The following STAT5B variants were observed in gnomAD, a reference collection of about 807,000 sequenced individuals.
STAT5B encodes transcription factor STAT5B.
Under a neutral mutation model 107.8 loss-of-function variants are expected in STAT5B, and 21 were observed. That is an observed-to-expected ratio of 0.19 (90% confidence interval 0.14 to 0.28). The LOEUF (loss-of-function observed/expected upper bound fraction) is 0.28, where lower values mean the gene tolerates loss of function less well. Ranked by LOEUF, STAT5B falls within the 10% of genes least tolerant of loss-of-function variation. The pLI is 1.00. For missense variants in STAT5B, 565 were observed against 1,008.2 expected (o/e 0.56, Z 5.95); for synonymous variants, 325 against 401.7 (o/e 0.81, Z 2.28).
intron 1 of STAT5B, among the ~76,000 whole-genome samples, chr17:42,238,611 G>A (rs8066625): frequency 0.11 from 16,570 of 151,262 alleles, 917 homozygotes; most frequent in Middle Eastern, 0.16. Flanking sequence ...CCGCCACCAC[G>A]CCTGGCTAAT....
intron 2 of STAT5B, among the ~76,000 whole-genome samples, chr17:42,228,790 C>T (rs952285358): frequency 3.3e-5 from 5 of 152,182 alleles, no homozygotes; most frequent in East Asian, 1.9e-4. Flanking sequence ...AGAAATTATC[C>T]GGGCGTGGCG....
intron 15 of STAT5B, 22 bp downstream of exon 15, chr17:42,210,149 A>G (rs757597711): frequency 1.9e-6 from 3 of 1,614,192 alleles, no homozygotes; most frequent in East Asian, 2.2e-5. Flanking sequence ...AACTTTGGAC[A>G]TAAGAAGGGA....
intron 13 of STAT5B, 110 bp from the exon 14 acceptor site, chr17:42,210,607 G>C (rs1409381417): frequency 2.0e-5 from 21 of 1,027,304 alleles, no homozygotes. Context: ...ACCCTTGTCA[G>C]AGGCATACAA....
At chr17:42,283,784 CA>C in the STAT5B span, among the ~76,000 whole-genome samples, 1 of 152,134 alleles carries the variant, frequency 6.6e-6, no homozygotes, top group Non-Finnish European at 1.5e-5. Flanking sequence ...TCTTCTTGGA[CA>C]AGAATGGGGG....
chr17:42,219,126 C>A (rs918480963), intron 7 of STAT5B, among the ~76,000 whole-genome samples, 186 bp downstream of exon 7: 6 of 152,202 alleles, frequency 3.9e-5, no homozygotes, highest in African/African-American at 9.6e-5. Flanking sequence ...AGGACAGCAG[C>A]CCCCTTCCTG....
At chr17:42,203,869 C>T (rs1001793116) in intron 16 of STAT5B, among the ~76,000 whole-genome samples, 1 of 152,088 alleles carries the variant, frequency 6.6e-6, no homozygotes, top group South Asian at 2.1e-4. Flanking sequence ...TCAAGTGATC[C>T]ACCCGCCTTG....
Position 42,223,381 on chromosome 17 carries a change from C to T in STAT5B, c.550+1G>A. On this transcript the variant is annotated splice_donor_variant, in intron 5 of 18. Transcript: ENST00000293328. LOFTEE classifies it high-confidence loss of function. Reference sequence around the variant, plus strand: ...CACAATGTGCCTCCACCGCGCCTCACCTTGGATCCTCAGGCTCTCCTGGTA... The same window carrying T: ...CACAATGTGCCTCCACCGCGCCTCATCTTGGATCCTCAGGCTCTCCTGGTA... The T allele has an allele frequency of 6.2e-7, 1 of 1,614,224 alleles. No individual in the cohort carries two copies. The highest frequency in any genetic ancestry group is 8.5e-7 in the Non-Finnish European group (1 of 1,180,044).
chr17:42,218,400 T>C, intron 8 of STAT5B, 70 bp from the exon 9 acceptor site: 1 of 1,558,070 alleles, frequency 6.4e-7, no homozygotes, highest in African/African-American at 1.4e-5. Flanking sequence ...AGTCCCTCTG[T>C]GGTGGGGGTG....
chr17:42,255,481 ACAAT>A (rs1290702163), intron 1 of STAT5B, among the ~76,000 whole-genome samples: 1 of 152,222 alleles, frequency 6.6e-6, no homozygotes, highest in Non-Finnish European at 1.5e-5. Flanking sequence ...CAAAAACTAA[ACAAT>A]CAAAGGAAAG....
chr17:42,229,254 A>T (rs1166268307), intron 2 of STAT5B, among the ~76,000 whole-genome samples: 1 of 151,870 alleles, frequency 6.6e-6, no homozygotes, highest in African/African-American at 2.4e-5. Context: ...GGTTCAAGTG[A>T]TTCTCCTGCC....
In STAT5B at chr17:42,201,524, GCACACACACACACA is replaced by G. The variant is rs57573850; in HGVS notation, c.*200_*213del. 1.1e-4 allele frequency: 67 copies of G among 617,316 alleles called. No homozygotes were observed. Among genetic ancestry groups the G allele is most frequent in the African/African-American group, 2.2e-4 (12 of 54,050 alleles). The allele number at this position is 617,316 out of a possible 1,614,324, so 38.2% of individuals were successfully genotyped here. A position where few individuals can be genotyped will look rare whatever the true frequency, so the allele number is the denominator to read the frequency against. The stretch of plus-strand genomic sequence containing the variant: ...GAGAAACACCATAACGTGCAAACAC[GCACACACACACACA>G]CACACACACACACACAAACACATAC... On this transcript the variant is annotated 3_prime_UTR_variant, in exon 19 of 19. Coordinates refer to ENST00000293328, the MANE Select transcript of STAT5B (RefSeq NM_012448.4).
chr17:42,208,235 C>G (rs1393334799), intron 15 of STAT5B, among the ~76,000 whole-genome samples: 3 of 151,954 alleles, frequency 2.0e-5, no homozygotes, highest in Admixed American at 2.0e-4. Flanking sequence ...GGCATGTTGG[C>G]TCATGCCTGT....
chr17:42,254,293 T>C (rs1055681316), intron 1 of STAT5B, among the ~76,000 whole-genome samples: 9 of 152,192 alleles, frequency 5.9e-5, no homozygotes, highest in African/African-American at 2.2e-4. Context: ...GGTGGGAGGA[T>C]GGCTTGAGCC....
Position 42,227,649 on chromosome 17 carries a change from A to G in STAT5B, c.165T>C (p.Ile55=). 1 of 1,614,036 alleles carries G rather than the reference A, an allele frequency of 6.2e-7. No individual in the cohort carries two copies. The part of the protein sequence containing the change: ...SVDLDNPQEN[I]KATQLLEGLV... ...GGCCCTCCAGGAGCTGGGTGGCCTT[A>G]ATGTTCTCCTGTGGATTATCAAGAT... The change falls in exon 3 of 19, where the codon ATT becomes ATC. Residue 55 remains isoleucine, a synonymous_variant. Coordinates refer to ENST00000293328, the MANE Select transcript of STAT5B (RefSeq NM_012448.4).
chr17:42,221,191 C>T (rs913289537), intron 5 of STAT5B, among the ~76,000 whole-genome samples: 11 of 152,136 alleles, frequency 7.2e-5, no homozygotes, highest in Admixed American at 2.6e-4. Context: ...CTGCAGGTAT[C>T]GAGCAGGAAG....
rs1239750377 is a variant in STAT5B, at chr17:42,199,510, G to A, written c.*2228C>T. 6.6e-6 allele frequency: 1 copy of A among 152,286 alleles called. No individual in the cohort carries two copies. Among genetic ancestry groups the A allele is most frequent in the Non-Finnish European group, 1.5e-5 (1 of 68,044 alleles). The allele number at this position is 152,286 out of a possible 1,614,324, so 9.4% of individuals were successfully genotyped here. A position where few individuals can be genotyped will look rare whatever the true frequency, so the allele number is the denominator to read the frequency against. Reference sequence around the variant, plus strand: ...GAGGACTTGTGTGTGTCTGGGAGTGGGTGAGAGGCTGATGGGGTCGAGACA... The same window carrying A: ...GAGGACTTGTGTGTGTCTGGGAGTGAGTGAGAGGCTGATGGGGTCGAGACA... On this transcript the variant is annotated 3_prime_UTR_variant, in exon 19 of 19. Transcript: ENST00000293328.
At chr17:42,244,103 T>C (rs2080430019) in intron 1 of STAT5B, among the ~76,000 whole-genome samples, 1 of 151,702 alleles carries the variant, frequency 6.6e-6, no homozygotes, top group African/African-American at 2.4e-5. Context: ...TTTTTTTTTT[T>C]TTGAGACAGG....
chr17:42,214,868 G>GC (rs575651031), intron 12 of STAT5B, among the ~76,000 whole-genome samples: 1,588 of 151,756 alleles, frequency 0.01, 23 homozygotes, highest in African/African-American at 0.035. Context: ...TCCCGCCTCA[G>GC]CCCCCCCCAA....
upstream of STAT5B, among the ~76,000 whole-genome samples, chr17:42,279,459 G>A (rs1237555877): frequency 6.6e-6 from 1 of 152,328 alleles, no homozygotes; most frequent in Non-Finnish European, 1.5e-5. Flanking sequence ...ACTCAAGCCA[G>A]CTGGTTTGTG....
Sources: gnomAD v4.1 joint callset for allele counts (sites outside exome capture counted in the v4.1 genomes callset) on GRCh38, gnomAD v4.1.1 for gene constraint, MANE v1.5 for transcripts, NCBI Gene and HGNC (gene_info 2026-07-23, HGNC 2026-07-21) for gene names.